UBTD1: variants seen among roughly 807,000 people sequenced by gnomAD.
UBTD1 encodes ubiquitin domain containing 1, also known as ubiquitin domain-containing protein 1.
In UBTD1, 19 loss-of-function variants were observed where a neutral mutation model predicts 21.7. The ratio of observed to expected loss-of-function variants is 0.87; its 90% CI spans 0.61 to 1.28. The LOEUF (loss-of-function observed/expected upper bound fraction) is 1.28. Ranked by LOEUF, UBTD1 falls within the 50% of genes most tolerant of loss-of-function variation. The pLI, the probability that UBTD1 is intolerant of heterozygous loss-of-function variation, is 0.00. For missense variants in UBTD1, 282 were observed against 315.1 expected (o/e 0.89, Z 0.80); for synonymous variants, 116 against 135.1 (o/e 0.86, Z 0.98).
chr10:97,542,153 G>T (rs1269671263), intron 1 of UBTD1, among the ~76,000 whole-genome samples: 1 of 152,210 alleles, frequency 6.6e-6, no homozygotes, highest in Non-Finnish European at 1.5e-5. Context: ...CCAGGGCGGG[G>T]GTCAGGCTGA....
At chr10:97,541,354 G>A (rs1027225402) in intron 1 of UBTD1, among the ~76,000 whole-genome samples, 16 of 152,166 alleles carry the variant, frequency 1.1e-4, no homozygotes, top group African/African-American at 3.6e-4. Flanking sequence ...GTATGTGCCT[G>A]TAGTCCCAGC....
intron 1 of UBTD1, among the ~76,000 whole-genome samples, chr10:97,525,704 G>A (rs1197167109): frequency 1.3e-5 from 2 of 152,092 alleles, no homozygotes; most frequent in Admixed American, 6.6e-5. Flanking sequence ...GCTTAACTTG[G>A]GGATGACATA....
At chr10:97,566,425 A>G (rs1307435791) in intron 1 of UBTD1, among the ~76,000 whole-genome samples, 1 of 152,136 alleles carries the variant, frequency 6.6e-6, no homozygotes, top group African/African-American at 2.4e-5. Context: ...TAAATTAAAT[A>G]TTTGGCTTTA....
chr10:97,501,515 G>T (rs1564733585), intron 1 of UBTD1, among the ~76,000 whole-genome samples: 1 of 152,090 alleles, frequency 6.6e-6, no homozygotes, highest in East Asian at 1.9e-4. Flanking sequence ...GCTTGAACTG[G>T]AAGTTTCGCA....
In UBTD1 at chr10:97,553,547, G is replaced by A. The variant is rs189221118; in HGVS notation, c.71-14367G>A. 1.5e-4 allele frequency among the ~76,000 whole-genome samples: 23 copies of A among 152,274 alleles called. No homozygotes were observed. In the East Asian group the frequency reaches 2.5e-3, roughly 17 times the overall value. On this transcript the variant is annotated intron_variant, in intron 1 of 2. Transcript: ENST00000370664. ...TCAGTGGCTAAGATTGTAAGCACCC[G>A]TGTATAGGGCTGCAAATGTTTGGGC... is the stretch of plus-strand genomic sequence containing the variant.
chr10:97,568,031 GCCGCAAGGAGATCTGGGATGC>G lies in UBTD1; in HGVS notation c.191_211del (p.Arg64_Ala70del). ...TGGGACACAGCGCCTGCCTTCGAGG[GCCGCAAGGAGATCTGGGATGC>G]CCTCAAGGCTGCCGCCTATGCTGCT... On this transcript the variant is annotated inframe_deletion, in exon 2 of 3. Transcript: ENST00000370664. 6.2e-7 allele frequency: 1 copy of G among 1,614,046 alleles called. No individual in the cohort carries two copies. The highest frequency in any genetic ancestry group is 2.2e-5 in the East Asian group (1 of 44,884).
chr10:97,567,860 G>A, intron 1 of UBTD1, 54 bp from the exon 2 acceptor site: 2 of 1,576,442 alleles, frequency 1.3e-6, no homozygotes, highest in Non-Finnish European at 1.7e-6. Context: ...GGGAGGGCAG[G>A]TTGCAGCTCA....
chr10:97,549,108 G>A (rs149449337), intron 1 of UBTD1, among the ~76,000 whole-genome samples: 21 of 152,288 alleles, frequency 1.4e-4, no homozygotes, highest in African/African-American at 5.1e-4. Context: ...GTGGCTGCCC[G>A]CACACTGAGG....
Position 97,567,968 on chromosome 10 carries a change from T to C in UBTD1, c.125T>C (p.Met42Thr). 6.2e-7 allele frequency: 1 copy of C among 1,614,140 alleles called. No homozygotes were observed. The highest frequency in any genetic ancestry group is 8.5e-7 in the Non-Finnish European group (1 of 1,180,018). Reference protein sequence around the residue: ...ERLKWKSDYPMTDGQLRSKRD... With the variant: ...ERLKWKSDYPTTDGQLRSKRD... The stretch of plus-strand genomic sequence containing the variant: ...CTTAAGTGGAAGAGCGACTACCCCA[T>C]GACTGACGGGCAGCTGCGGAGCAAA... Residue 42 changes from methionine (M) to threonine (T), a missense_variant, in exon 2 of 3, where the codon ATG becomes ACG. By Grantham distance (81) the Met-to-Thr change is moderately conservative. Transcript: ENST00000370664.
intron 1 of UBTD1, among the ~76,000 whole-genome samples, chr10:97,565,905 G>C (rs1240334566): frequency 6.6e-6 from 1 of 151,856 alleles, no homozygotes; most frequent in Admixed American, 6.6e-5. Flanking sequence ...GTAGAGACAG[G>C]TTTTTGCCAT....
At chr10:97,558,527 C>A (rs1019961467) in intron 1 of UBTD1, among the ~76,000 whole-genome samples, 2 of 152,160 alleles carry the variant, frequency 1.3e-5, no homozygotes, top group African/African-American at 4.8e-5. Context: ...CTGCCCTTGG[C>A]CAGGACCCTA....
intron 1 of UBTD1, among the ~76,000 whole-genome samples, chr10:97,509,201 C>G (rs559586523): frequency 6.6e-6 from 1 of 152,132 alleles, no homozygotes; most frequent in African/African-American, 2.4e-5. Flanking sequence ...TCATTTTTCC[C>G]GTTTTATAGG....
At chr10:97,530,403 A>G (rs1167542344) in intron 1 of UBTD1, among the ~76,000 whole-genome samples, 1 of 152,184 alleles carries the variant, frequency 6.6e-6, no homozygotes, top group East Asian at 1.9e-4. Context: ...GCGCCACTGC[A>G]CTCCAGCCTG....
intron 1 of UBTD1, among the ~76,000 whole-genome samples, chr10:97,532,729 G>A (rs372324181): frequency 5.7e-4 from 87 of 152,134 alleles, no homozygotes; most frequent in African/African-American, 1.2e-3. Flanking sequence ...GACGGAGGTC[G>A]CAGTGAGCCA....
At chr10:97,569,547 G>A (rs1049781740) in intron 2 of UBTD1, among the ~76,000 whole-genome samples, 37 of 152,230 alleles carry the variant, frequency 2.4e-4, no homozygotes, top group African/African-American at 8.4e-4. Flanking sequence ...TCTGACTGTG[G>A]GGTGGCCATG....
intron 1 of UBTD1, among the ~76,000 whole-genome samples, chr10:97,560,026 A>C (rs897557946): frequency 4.3e-4 from 65 of 152,108 alleles, no homozygotes; most frequent in African/African-American, 1.6e-3. Flanking sequence ...ATTACTTTTA[A>C]ATTATACAAC....
chr10:97,547,479 C>G (rs1033577737), intron 1 of UBTD1, among the ~76,000 whole-genome samples: 1 of 152,216 alleles, frequency 6.6e-6, no homozygotes, highest in Non-Finnish European at 1.5e-5. Context: ...CACTCTCTGT[C>G]CCTGTTGAGC....
intron 1 of UBTD1, among the ~76,000 whole-genome samples, chr10:97,531,150 G>C (rs2040529570): frequency 6.6e-6 from 1 of 151,294 alleles, no homozygotes; most frequent in South Asian, 2.1e-4. Context: ...GCCTCCCAAA[G>C]TGCTGGGATT....
intron 1 of UBTD1, among the ~76,000 whole-genome samples, chr10:97,542,063 CTG>C: frequency 6.6e-6 from 1 of 152,318 alleles, no homozygotes; most frequent in South Asian, 2.1e-4. Flanking sequence ...AGCCACCTCT[CTG>C]TGTTCCAAAG....
Sources: allele counts gnomAD v4.1 joint callset (sites outside exome capture counted in the v4.1 genomes callset), GRCh38; gene constraint gnomAD v4.1.1; transcripts MANE v1.5; gene names NCBI Gene and HGNC (gene_info 2026-07-23, HGNC 2026-07-21).